SLA: variants seen among roughly 807,000 people sequenced by gnomAD.
The protein encoded by SLA is Src like adaptor, also known as src-like-adapter.
A neutral mutation model predicts 30.3 loss-of-function variants in SLA; 16 were observed. The ratio of observed to expected loss-of-function variants is 0.53; its 90% CI spans 0.36 to 0.80. SLA has a LOEUF of 0.80. SLA is among the 30% of genes least tolerant of loss of function. The probability of loss-of-function intolerance (pLI) is 0.01; values close to 1 mark genes in which losing one functional copy is unlikely to be tolerated. For synonymous variants in SLA, 143 were observed against 137.8 expected, an observed-to-expected ratio of 1.04 and a Z score of -0.26; for missense variants, 310 against 345.2, an observed-to-expected ratio of 0.90 and a Z score of 0.81.
chr8:133,085,167 A>T (rs1428786141), intron 1 of SLA, among the ~76,000 whole-genome samples: 1 of 152,240 alleles, frequency 6.6e-6, no homozygotes, highest in Non-Finnish European at 1.5e-5. Context: ...GTATAAAAAT[A>T]TACCAAGGTA....
chr8:133,085,975 T>G (rs529098839), intron 1 of SLA, among the ~76,000 whole-genome samples: 1 of 152,334 alleles, frequency 6.6e-6, no homozygotes, highest in South Asian at 2.1e-4. Context: ...AACCCAAATG[T>G]TTACCAGCCA....
At chr8:133,067,862 GAAA>G (rs1564145339) in intron 2 of SLA, among the ~76,000 whole-genome samples, 208 of 72,150 alleles carry the variant, frequency 2.9e-3, no homozygotes, top group African/African-American at 0.013. Context: ...GAGAAAGAAA[GAAA>G]GAAAGGAAGG....
rs1840273781 is a variant in SLA at position 133,050,889 on chromosome 8, G to C, written c.88C>G (p.Leu30Val). ...EGLDSDFLAVLSDYPSPDISP... is the reference protein window; with the variant it reads ...EGLDSDFLAVVSDYPSPDISP... ...ATGTCAGGAGACGGGTAGTCACTTA[G>C]CACGGCAAGGAAGTCGCTATCCAGT... Residue 30 changes from leucine (L) to valine (V), a missense_variant, in exon 4 of 9, where the codon CTA (leucine) becomes GTA (valine). By Grantham distance (32) the Leu-to-Val change is conservative. Coordinates refer to ENST00000338087, the MANE Select transcript of SLA (RefSeq NM_001045556.3). 1 of 1,613,560 alleles carries C rather than the reference G, an allele frequency of 6.2e-7. No homozygotes were observed. Among genetic ancestry groups the C allele is most frequent in the Non-Finnish European group, 8.5e-7 (1 of 1,179,484 alleles).
In SLA at chr8:133,038,396, G is replaced by T; in HGVS notation, c.*128C>A. The T allele has an allele frequency of 1.4e-6, 1 of 725,440 alleles. No individual in the cohort carries two copies. Among genetic ancestry groups the T allele is most frequent in the Non-Finnish European group, 2.4e-6 (1 of 412,026 alleles). The allele number at this position is 725,440 out of a possible 1,614,324, so 44.9% of individuals were successfully genotyped here. On this transcript the variant is annotated 3_prime_UTR_variant, in exon 9 of 9. Coordinates refer to ENST00000338087, the MANE Select transcript of SLA (RefSeq NM_001045556.3). ...AGAAGATGCGAATTTGAGTCTCCAT[G>T]TGGCTTCTCTTGGCTTCTAAAATAC...
Position 133,073,511 on chromosome 8 carries a change from G to A in SLA, c.-41+1342C>T, listed in dbSNP as rs577053688. On this transcript the variant is annotated intron_variant, in intron 2 of 8. Transcript: ENST00000338087. ...CGAGTAGCTGGGATTACAGGCACCC[G>A]CCACCAAGCCCAGCTAATTTTTGTA... 5.3e-5 allele frequency among the ~76,000 whole-genome samples: 8 copies of A among 152,084 alleles called. No homozygotes were observed. In the South Asian group the frequency reaches 8.3e-4, roughly 16 times the overall value.
chr8:133,097,568 A>T (rs1032741177), intron 1 of SLA, among the ~76,000 whole-genome samples: 1 of 152,228 alleles, frequency 6.6e-6, no homozygotes, highest in Non-Finnish European at 1.5e-5. Context: ...CATGTAGAGG[A>T]ATGTGAAATT....
intron 1 of SLA, among the ~76,000 whole-genome samples, chr8:133,097,803 A>C (rs1328029838): frequency 6.6e-6 from 1 of 152,164 alleles, no homozygotes; most frequent in Non-Finnish European, 1.5e-5. Flanking sequence ...TACATATTAT[A>C]TATATTTATG....
intron 7 of SLA, 57 bp from the exon 8 acceptor site, chr8:133,040,187 G>A (rs1837954994): frequency 1.3e-6 from 2 of 1,546,416 alleles, no homozygotes; most frequent in African/African-American, 1.4e-5. Context: ...AGCCAGTGTG[G>A]GGTTCAGGCC....
chr8:133,057,369 GAA>G, intron 3 of SLA, among the ~76,000 whole-genome samples: 1 of 152,294 alleles, frequency 6.6e-6, no homozygotes, highest in South Asian at 2.1e-4. Context: ...GAATTGTAGA[GAA>G]AATGAACACT....
At chr8:133,097,852 T>C (rs1848660913) in intron 1 of SLA, among the ~76,000 whole-genome samples, 1 of 152,220 alleles carries the variant, frequency 6.6e-6, no homozygotes, top group Non-Finnish European at 1.5e-5. Context: ...GAAGCAGGGC[T>C]GGTGAGGTTT....
At chr8:133,051,393 G>C (rs1840375919) in intron 3 of SLA, among the ~76,000 whole-genome samples, 1 of 152,214 alleles carries the variant, frequency 6.6e-6, no homozygotes, top group Non-Finnish European at 1.5e-5. Context: ...CTGGGACTCA[G>C]AGTTGTTATA....
chr8:133,038,828 A>G (rs1327054522), intron 8 of SLA, 91 bp from the exon 9 acceptor site: 5 of 779,512 alleles, frequency 6.4e-6, no homozygotes, highest in African/African-American at 3.5e-5. Flanking sequence ...TGAGAACAGG[A>G]GGAAAAGAAA....
chr8:133,052,521 A>G (rs1205878649), intron 3 of SLA, among the ~76,000 whole-genome samples: 3 of 152,172 alleles, frequency 2.0e-5, no homozygotes, highest in Admixed American at 6.5e-5. Flanking sequence ...ACCTTCCCCA[A>G]ACCTGTGGGG....
Position 133,056,677 on chromosome 8 carries a change from G to A in SLA, c.61+3423C>T, listed in dbSNP as rs187939377. The stretch of plus-strand genomic sequence containing the variant: ...ATGATAATAGGCAGAAGCCTCGTGG[G>A]GCTGTGAGAATCGAGTCTGCATATG... On this transcript the variant is annotated intron_variant, in intron 3 of 8. Transcript: ENST00000338087. Among the ~76,000 whole-genome samples, 32 of 152,326 alleles carry A rather than the reference G, an allele frequency of 2.1e-4. No homozygotes were observed. In the East Asian group the frequency reaches 6.2e-3, roughly 29 times the overall value.
chr8:133,043,957 G>A (rs1175227427), intron 7 of SLA, among the ~76,000 whole-genome samples: 1 of 152,170 alleles, frequency 6.6e-6, no homozygotes, highest in Non-Finnish European at 1.5e-5. Flanking sequence ...AAAAGTGGCT[G>A]GCATTTAATG....
At chr8:133,048,378 G>A (rs1429397139) in intron 5 of SLA, among the ~76,000 whole-genome samples, 4 of 152,078 alleles carry the variant, frequency 2.6e-5, no homozygotes, top group South Asian at 2.1e-4. Flanking sequence ...GCACCACCAC[G>A]TCTGGCAACT....
Position 133,050,318 on chromosome 8 carries a change from A to G in SLA, c.162-330T>C, listed in dbSNP as rs553867898. On this transcript the variant is annotated intron_variant, in intron 4 of 8. Transcript: ENST00000338087. The stretch of plus-strand genomic sequence containing the variant: ...ACTATGTTGATTTATGCTCTGCAGT[A>G]TAGCCAAAGATAGTTTCATATATCT... 84 of 348,184 alleles carry G rather than the reference A, an allele frequency of 2.4e-4. 2 individuals carry two copies. The South Asian group carries it at 2.9e-3, about 12-fold the overall frequency. The allele number at this position is 348,184 out of a possible 1,614,324, so 21.6% of individuals were successfully genotyped here.
intron 7 of SLA, among the ~76,000 whole-genome samples, chr8:133,041,657 C>T (rs1056837813): frequency 1.4e-4 from 22 of 152,224 alleles, no homozygotes; most frequent in African/African-American, 5.1e-4. Flanking sequence ...CAGGTTAATA[C>T]TCAGGGTGAA....
chr8:133,039,275 G>A (rs1837707284), intron 8 of SLA, among the ~76,000 whole-genome samples: 1 of 152,196 alleles, frequency 6.6e-6, no homozygotes, highest in African/African-American at 2.4e-5. Context: ...TCTTACATTT[G>A]TGGGCTGTGT....
Sources: gnomAD v4.1 joint callset for allele counts (sites outside exome capture counted in the v4.1 genomes callset) on GRCh38, gnomAD v4.1.1 for gene constraint, MANE v1.5 for transcripts, NCBI Gene and HGNC (gene_info 2026-07-23, HGNC 2026-07-21) for gene names.